Variants in DLG2 observed in about 807,000 individuals in gnomAD.
DLG2 encodes disks large homolog 2.
Under a neutral mutation model 132.5 loss-of-function variants are expected in DLG2, and 45 were observed. The observed-to-expected ratio is 0.34, with a 90% CI of 0.27 to 0.44. DLG2 has a LOEUF of 0.44. Ranked by LOEUF, DLG2 falls within the 20% of genes least tolerant of loss-of-function variation. DLG2 has a pLI of 1.00. For synonymous variants in DLG2, 424 were observed against 419.6 expected, an observed-to-expected ratio of 1.01 and a Z score of -0.13; for missense variants, 1,045 against 1,196.9, an observed-to-expected ratio of 0.87 and a Z score of 1.87.
At chr11:84,112,303 T>A (rs2093396876) in intron 9 of DLG2, among the ~76,000 whole-genome samples, 1 of 147,070 alleles carries the variant, frequency 6.8e-6, no homozygotes, top group South Asian at 2.2e-4. Context: ...CGGCCTTTTT[T>A]TTTTTCTTTT....
At chr11:85,103,760 C>A (rs533944666) in intron 6 of DLG2, among the ~76,000 whole-genome samples, 1 of 151,690 alleles carries the variant, frequency 6.6e-6, no homozygotes, top group East Asian at 1.9e-4. Flanking sequence ...GCTTCAAATG[C>A]CATTACCAAA....
chr11:83,774,100 C>T (rs1372391871), intron 18 of DLG2, among the ~76,000 whole-genome samples: 1 of 152,294 alleles, frequency 6.6e-6, no homozygotes, highest in Non-Finnish European at 1.5e-5. Flanking sequence ...CATCCCTGCT[C>T]CTGCCATCCC....
intron 7 of DLG2, among the ~76,000 whole-genome samples, chr11:84,319,321 G>A (rs1346997429): frequency 6.6e-6 from 1 of 152,142 alleles, no homozygotes. Context: ...CATGATGCAT[G>A]GCTGTACAGT....
At chr11:85,322,373 T>C (rs915515201) in intron 3 of DLG2, among the ~76,000 whole-genome samples, 2 of 152,152 alleles carry the variant, frequency 1.3e-5, no homozygotes, top group Non-Finnish European at 1.5e-5. Flanking sequence ...ATCTTGGAAA[T>C]TTTGGATGAA....
intron 6 of DLG2, among the ~76,000 whole-genome samples, chr11:84,740,882 T>A (rs547177997): frequency 1.3e-5 from 2 of 152,162 alleles, no homozygotes; most frequent in South Asian, 2.1e-4. Context: ...AAAATGGCTA[T>A]CAGGCCATGC....
At chr11:85,464,862 C>T (rs891399480) in intron 3 of DLG2, among the ~76,000 whole-genome samples, 1 of 151,240 alleles carries the variant, frequency 6.6e-6, no homozygotes, top group Non-Finnish European at 1.5e-5. Context: ...ATCACAAGGC[C>T]AGGAGTTTGA....
intron 6 of DLG2, among the ~76,000 whole-genome samples, chr11:84,951,631 A>C (rs888613922): frequency 6.7e-6 from 1 of 149,846 alleles, no homozygotes; most frequent in Non-Finnish European, 1.5e-5. Context: ...TATGCATTCT[A>C]TATATATATA....
intron 7 of DLG2, among the ~76,000 whole-genome samples, chr11:84,476,528 C>CAATTCA (rs2099122133): frequency 6.6e-6 from 1 of 152,122 alleles, no homozygotes; most frequent in Non-Finnish European, 1.5e-5. Context: ...ACCAATCAAA[C>CAATTCA]ACCAATAACA....
At chr11:85,511,776 T>C (rs2094076936) in intron 3 of DLG2, among the ~76,000 whole-genome samples, 1 of 151,290 alleles carries the variant, frequency 6.6e-6, no homozygotes, top group African/African-American at 2.4e-5. Context: ...TAAAGTGCAG[T>C]GGTGGGATTA....
rs370521211 is a variant in DLG2 at position 83,804,398 on chromosome 11, A to G, written c.1723-17606T>C. On this transcript the variant is annotated intron_variant, in intron 17 of 27. Transcript: ENST00000376104. ...TATGCTAGTTCTAAGCATTGATCTG[A>G]ACTATTGAAACAGGCCCTGTTTCCT... 3.9e-5 allele frequency among the ~76,000 whole-genome samples: 6 copies of G among 152,084 alleles called. No homozygotes were observed. The East Asian group carries it at 7.7e-4, about 20-fold the overall frequency.
At chr11:83,833,841 T>C (rs1230561899) in intron 16 of DLG2, 71 bp from the exon 17 acceptor site, 4 of 1,480,286 alleles carry the variant, frequency 2.7e-6, no homozygotes, top group Non-Finnish European at 3.7e-6. Context: ...TTACTTTCAA[T>C]GGGATATATG....
intron 3 of DLG2, among the ~76,000 whole-genome samples, chr11:85,536,028 C>T (rs1267831847): frequency 1.3e-5 from 2 of 151,856 alleles, no homozygotes; most frequent in Non-Finnish European, 2.9e-5. Flanking sequence ...CCAAACTGGG[C>T]AACATGGTGA....
chr11:84,470,121 T>C (rs1378164650), intron 7 of DLG2, among the ~76,000 whole-genome samples: 1 of 151,832 alleles, frequency 6.6e-6, no homozygotes, highest in Non-Finnish European at 1.5e-5. Context: ...AATTGTCATA[T>C]ATGTGATCAA....
chr11:84,610,742 G>A (rs963131302), intron 6 of DLG2, among the ~76,000 whole-genome samples: 4 of 152,008 alleles, frequency 2.6e-5, no homozygotes, highest in Non-Finnish European at 5.9e-5. Flanking sequence ...TTCTGGGAGA[G>A]GTGACCCAAC....
At chr11:84,917,360 A>C (rs1258882159) in intron 6 of DLG2, among the ~76,000 whole-genome samples, 7 of 152,202 alleles carry the variant, frequency 4.6e-5, no homozygotes, top group Non-Finnish European at 8.8e-5. Flanking sequence ...CCTAATTTTA[A>C]AAAAAGATTT....
intron 8 of DLG2, among the ~76,000 whole-genome samples, chr11:84,218,559 A>C (rs1318602930): frequency 6.6e-6 from 1 of 152,192 alleles, no homozygotes; most frequent in Non-Finnish European, 1.5e-5. Context: ...CAAGGCTTTT[A>C]AGAAAACGGT....
At chr11:85,305,886 A>G (rs529544309) in intron 3 of DLG2, among the ~76,000 whole-genome samples, 17 of 152,222 alleles carry the variant, frequency 1.1e-4, no homozygotes, top group Non-Finnish European at 1.5e-4. Context: ...TGCAGCACTT[A>G]GTATATATCT....
At chr11:84,942,912 G>A (rs1400234274) in intron 6 of DLG2, among the ~76,000 whole-genome samples, 1 of 152,060 alleles carries the variant, frequency 6.6e-6, no homozygotes, top group Non-Finnish European at 1.5e-5. Context: ...ACTGTTAGGT[G>A]CATATATATT....
At chr11:84,946,913 C>T (rs997243173) in intron 6 of DLG2, among the ~76,000 whole-genome samples, 1 of 152,178 alleles carries the variant, frequency 6.6e-6, no homozygotes, top group African/African-American at 2.4e-5. Context: ...GAATGATTCC[C>T]CTCTGGCTAG....
Sources: allele counts gnomAD v4.1 joint callset (sites outside exome capture counted in the v4.1 genomes callset), GRCh38; gene constraint gnomAD v4.1.1; transcripts MANE v1.5; gene names NCBI Gene and HGNC (gene_info 2026-07-23, HGNC 2026-07-21).